The following ZNF627 variants were observed in gnomAD, a reference collection of about 807,000 sequenced individuals.
ZNF627 encodes the protein zinc finger protein 627.
Under a neutral mutation model 10.6 loss-of-function variants are expected in ZNF627, and 12 were observed. That is an observed-to-expected ratio of 1.13 (90% CI 0.73 to 1.84). ZNF627 has a LOEUF of 1.84. ZNF627 is among the 40% of genes most tolerant of loss of function. ZNF627 has a pLI of 0.00. For missense variants in ZNF627, 504 were observed against 568.4 expected (o/e 0.89, Z 1.15); for synonymous variants, 176 against 187.1 (o/e 0.94, Z 0.48).
intron 1 of ZNF627, among the ~76,000 whole-genome samples, chr19:11,601,202 G>A (rs2145122011): frequency 6.6e-6 from 1 of 152,354 alleles, no homozygotes; most frequent in East Asian, 1.9e-4. Context: ...GCCCTGGAAA[G>A]CTGGGGATTC....
rs768436010 is a variant in ZNF627, at chr19:11,617,090, A to C, written c.587A>C (p.Lys196Thr). Residue 196 changes from lysine (K) to threonine (T), a missense_variant, in exon 4 of 4, where the codon AAA (lysine) becomes ACA (threonine). Lys to Thr is a moderately conservative substitution (Grantham distance 78, BLOSUM62 -1). Coordinates refer to ENST00000361113, the MANE Select transcript of ZNF627 (RefSeq NM_145295.4). ...MLTHRGGVPY[K>T]CKVCGKAFDY... Reference sequence around the variant, plus strand: ...ACGCATAGGGGAGGTGTACCTTACAAATGTAAGGTGTGTGGGAAAGCCTTT... The same window carrying C: ...ACGCATAGGGGAGGTGTACCTTACACATGTAAGGTGTGTGGGAAAGCCTTT... 1.2e-6 allele frequency: 2 copies of C among 1,614,124 alleles called. No individual in the cohort carries two copies. Among genetic ancestry groups the C allele is most frequent in the African/African-American group, 1.3e-5 (1 of 75,064 alleles).
chr19:11,618,092 G>A lies in ZNF627; in HGVS notation c.*203G>A, dbSNP rs1038349741. The stretch of plus-strand genomic sequence containing the variant: ...TGGATCTCTGGATTGTGTTATGTCA[G>A]TGTTGGTAGGTTAGGAACTAGATTT... On this transcript the variant is annotated 3_prime_UTR_variant, in exon 4 of 4. Transcript: ENST00000361113. The A allele has an allele frequency of 6.3e-6, 3 of 475,008 alleles. No individual in the cohort carries two copies. Among genetic ancestry groups the A allele is most frequent in the African/African-American group, 6.0e-5 (3 of 50,120 alleles). 29.4% of individuals were successfully genotyped at this position (475,008 alleles called of 1,614,324 possible). A position where few individuals can be genotyped will look rare whatever the true frequency, so the allele number is the denominator to read the frequency against.
intron 1 of ZNF627, among the ~76,000 whole-genome samples, chr19:11,605,274 A>T (rs1284462995): frequency 4.0e-5 from 6 of 151,226 alleles, no homozygotes; most frequent in African/African-American, 1.2e-4. Context: ...TTTAGTAGAG[A>T]CAAGGTTTCA....
chr19:11,614,672 C>G lies in ZNF627; in HGVS notation c.130+19C>G, dbSNP rs944854277. On this transcript the variant is annotated intron_variant, in intron 2 of 3. Transcript: ENST00000361113. ...TCTGTAGGTAAGGGTGACAATATTC[C>G]TTTCCTCAGTGAATTAGAGAACAAG... 4 of 1,613,574 alleles carry G rather than the reference C, an allele frequency of 2.5e-6. No individual in the cohort carries two copies. The African/African-American group carries it at 5.3e-5, about 22-fold the overall frequency.
chr19:11,617,057 A>G lies in ZNF627; in HGVS notation c.554A>G (p.His185Arg). 1.2e-6 allele frequency: 2 copies of G among 1,614,122 alleles called. No individual in the cohort carries two copies. Among genetic ancestry groups the G allele is most frequent in the East Asian group, 2.2e-5 (1 of 44,892 alleles). The part of the protein sequence containing the change: ...TFISLVSIRR[H>R]MLTHRGGVPY... ...ATTTCTCTTGTAAGCATTCGAAGAC[A>G]CATGTTAACGCATAGGGGAGGTGTA... is the stretch of plus-strand genomic sequence containing the variant. The change falls in exon 4 of 4, where the codon CAC becomes CGC. Residue 185 changes from histidine (H) to arginine (R), a missense_variant. Coordinates refer to ENST00000361113, the MANE Select transcript of ZNF627 (RefSeq NM_145295.4).
intron 1 of ZNF627, among the ~76,000 whole-genome samples, chr19:11,599,609 G>A (rs1304057986): frequency 6.6e-6 from 1 of 152,076 alleles, no homozygotes; most frequent in Non-Finnish European, 1.5e-5. Flanking sequence ...CCAGGTGATA[G>A]AATGACCTGA....
At chr19:11,609,471 T>TTATATATATACA (rs1973729677) in intron 1 of ZNF627, among the ~76,000 whole-genome samples, 4 of 54,016 alleles carry the variant, frequency 7.4e-5, no homozygotes, top group Non-Finnish European at 1.5e-4. Flanking sequence ...TTAAAAAATT[T>TTATATATATACA]TATATATATA....
At chr19:11,608,559 AATTAC>A (rs1973713346) in intron 1 of ZNF627, among the ~76,000 whole-genome samples, 1 of 152,196 alleles carries the variant, frequency 6.6e-6, no homozygotes, top group Non-Finnish European at 1.5e-5. Flanking sequence ...AGCCATTTGA[AATTAC>A]ATTGTGTAAA....
intron 1 of ZNF627, among the ~76,000 whole-genome samples, chr19:11,605,640 A>G (rs369067354): frequency 1.1e-4 from 17 of 152,170 alleles, no homozygotes; most frequent in East Asian, 3.9e-4. Flanking sequence ...AACCACCCCA[A>G]TGATTAAATT....
intron 1 of ZNF627, among the ~76,000 whole-genome samples, chr19:11,612,866 G>A (rs981133113): frequency 1.3e-5 from 2 of 151,378 alleles, no homozygotes; most frequent in East Asian, 1.9e-4. Context: ...ATTTCATCAC[G>A]CAGGTAGTGA....
intron 1 of ZNF627, among the ~76,000 whole-genome samples, chr19:11,598,543 ACT>A (rs1428851413): frequency 6.6e-6 from 1 of 151,984 alleles, no homozygotes; most frequent in African/African-American, 2.4e-5. Flanking sequence ...TTATTTTAAC[ACT>A]CCCCAGGGGG....
At position 11,609,447 on chromosome 19, in the gene ZNF627, TC is replaced by T. The variant is rs1334436939; in HGVS notation, c.4-5078del. On this transcript the variant is annotated intron_variant, in intron 1 of 3. Coordinates refer to ENST00000361113, the MANE Select transcript of ZNF627 (RefSeq NM_145295.4). ...GCTTTGCATCTTCCAGATCCGTACT[TC>T]CTGGGTAGTCTTTTAAAAAATTTTA... Among the ~76,000 whole-genome samples, 3 of 106,668 alleles carry T rather than the reference TC, an allele frequency of 2.8e-5. No individual in the cohort carries two copies. In the South Asian group the frequency reaches 1.0e-3, roughly 36 times the overall value. 70.0% of individuals were successfully genotyped at this position (106,668 alleles called of 152,430 possible).
chr19:11,614,435 C>T, intron 1 of ZNF627, 92 bp from the exon 2 acceptor site: 9 of 1,569,272 alleles, frequency 5.7e-6, no homozygotes, highest in South Asian at 1.2e-5. Context: ...GTTTGGAAAG[C>T]ATAGCATCCT....
At chr19:11,613,916 ATTTTTTTTTTT>A (rs35877992) in intron 1 of ZNF627, among the ~76,000 whole-genome samples, 1 of 92,502 alleles carries the variant, frequency 1.1e-5, no homozygotes, top group Admixed American at 1.2e-4. Flanking sequence ...TAGTTACTAG[ATTTTTTTTTTT>A]TTTTTTTTTT....
rs1186406251 is a variant in ZNF627, at chr19:11,612,445, A to G, written c.4-2082A>G. On this transcript the variant is annotated intron_variant, in intron 1 of 3. Coordinates refer to ENST00000361113, the MANE Select transcript of ZNF627 (RefSeq NM_145295.4). ...TGCTTTTTTTTTTTTTTTTTTTGAG[A>G]CAGAGTCTCACTGTCATCTAGGCTG... is the stretch of plus-strand genomic sequence containing the variant. Among the ~76,000 whole-genome samples, 6 of 61,426 alleles carry G rather than the reference A, an allele frequency of 9.8e-5. No individual in the cohort carries two copies. In the East Asian group the frequency reaches 2.5e-3, roughly 26 times the overall value. The allele number at this position is 61,426 out of a possible 152,430, so 40.3% of individuals were successfully genotyped here. A position where few individuals can be genotyped will look rare whatever the true frequency, so the allele number is the denominator to read the frequency against.
rs777906920 is a variant in ZNF627 at position 11,597,590 on chromosome 19, G to A, written c.-38G>A. 23 of 1,326,322 alleles carry A rather than the reference G, an allele frequency of 1.7e-5. No individual in the cohort carries two copies. The highest frequency in any genetic ancestry group is 2.1e-5 in the Non-Finnish European group (22 of 1,029,970). 82.2% of individuals were successfully genotyped at this position (1,326,322 alleles called of 1,614,324 possible). ...GCCGTGACCTGTACAGGTCGCGGGA[G>A]TCGTAGGGAGGACGCCGGGACACCT... On this transcript the variant is annotated 5_prime_UTR_variant, in exon 1 of 4. Coordinates refer to ENST00000361113, the MANE Select transcript of ZNF627 (RefSeq NM_145295.4).
intron 1 of ZNF627, among the ~76,000 whole-genome samples, chr19:11,611,283 A>G (rs1434735269): frequency 2.0e-5 from 3 of 151,974 alleles, no homozygotes; most frequent in East Asian, 3.9e-4. Context: ...TACTTTTTAC[A>G]ATTCCCTGGT....
At position 11,614,834 on chromosome 19, in the gene ZNF627, A is replaced by G. The variant is rs1340825097; in HGVS notation, c.138A>G (p.Gln46=). Residue 46 remains glutamine (Q), a synonymous_variant, in exon 3 of 4, where the codon CAA becomes CAG. Coordinates refer to ENST00000361113, the MANE Select transcript of ZNF627 (RefSeq NM_145295.4). ...TFRNLASVGK[Q]WEDQNIEDPF... ...TCTGGGTCTAAATTTTAGGAAAACA[A>G]TGGGAAGACCAGAACATTGAAGACC... The G allele has an allele frequency of 7.5e-6, 12 of 1,604,824 alleles. No individual in the cohort carries two copies. The highest frequency in any genetic ancestry group is 1.0e-5 in the Non-Finnish European group (12 of 1,177,532).
intron 1 of ZNF627, among the ~76,000 whole-genome samples, chr19:11,609,807 C>T (rs774784274): frequency 3.3e-5 from 5 of 151,854 alleles, no homozygotes; most frequent in East Asian, 3.9e-4. Context: ...CGTGAGCCAC[C>T]GCGCCTGTAA....
Sources: gnomAD v4.1 joint callset for allele counts (sites outside exome capture counted in the v4.1 genomes callset) on GRCh38, gnomAD v4.1.1 for gene constraint, MANE v1.5 for transcripts, NCBI Gene and HGNC (gene_info 2026-07-23, HGNC 2026-07-21) for gene names.